Variants in LCN12 observed in about 807,000 individuals in gnomAD.
LCN12 encodes the protein lipocalin 12.
A neutral mutation model predicts 23.7 loss-of-function variants in LCN12; 15 were observed. The ratio of observed to expected loss-of-function variants is 0.63; its 90% confidence interval spans 0.42 to 0.97. The LOEUF (loss-of-function observed/expected upper bound fraction) is 0.97, where lower values mean the gene tolerates loss of function less well. Ranked by LOEUF, LCN12 falls within the 50% of genes least tolerant of loss-of-function variation. The pLI is 0.00. For synonymous variants in LCN12, 116 were observed against 111.5 expected, an observed-to-expected ratio of 1.04 and a Z score of -0.25; for missense variants, 219 against 249.6, an observed-to-expected ratio of 0.88 and a Z score of 0.83.
At chr9:136,955,193 C>T in intron 5 of LCN12, 178 bp from the exon 6 acceptor site, 1 of 1,420,310 alleles carries the variant, frequency 7.0e-7, no homozygotes, top group East Asian at 2.6e-5. Context: ...CATCTTCTGC[C>T]CCTTCTCAGC....
chr9:136,953,488 T>A (rs914263834), intron 2 of LCN12: 3 of 553,446 alleles, frequency 5.4e-6, no homozygotes, highest in African/African-American at 1.9e-5. Context: ...GTAATCCCAG[T>A]ACTTCAGGAG....
At chr9:136,952,701 G>T in intron 1 of LCN12, 191 bp from the exon 2 acceptor site, 1 of 679,622 alleles carries the variant, frequency 1.5e-6, no homozygotes, top group Non-Finnish European at 2.4e-6. Context: ...ACAGCCACTG[G>T]CCAGGGTCAC....
intron 2 of LCN12, chr9:136,953,365 GGGGGCCGGGCGCGGTCGCGC>G: frequency 1.1e-5 from 1 of 90,334 alleles, no homozygotes; most frequent in South Asian, 1.3e-4. Context: ...CTAGCACTTT[GGGGGCCGGGCGCGGTCGCGC>G]ACACCTGTAA....
upstream of LCN12, chr9:136,951,282 A>C (rs909741260): frequency 1.3e-5 from 2 of 151,950 alleles, no homozygotes; most frequent in Admixed American, 6.6e-5. Context: ...TAGAGATGAG[A>C]TCTCAGTCTT....
At chr9:136,956,085 C>A (rs575263365), downstream of LCN12, among the ~76,000 whole-genome samples, 306 of 152,216 alleles carry the variant, frequency 2.0e-3, 1 homozygote, top group African/African-American at 6.9e-3. Flanking sequence ...TGACTGTACA[C>A]CCCTGCAAGA....
In LCN12 at chr9:136,953,746, C is replaced by T. The variant is rs1305710115; in HGVS notation, c.298C>T (p.Gln100Ter). The change falls in exon 3 of 6, where the codon CAG becomes TAG. Residue 100 changes from glutamine to a stop codon, truncating the protein, a stop_gained. Transcript: ENST00000371633. LOFTEE classifies it high-confidence loss of function. ...TWSYVLIPAA[Q>*]PGQFTVDHGV... ...GTCTTATGTGCTGATACCGGCAGCC[C>T]AGCCTGGGCAGTTCACTGTGGACCA... The T allele has an allele frequency of 1.2e-6, 2 of 1,605,990 alleles. No homozygotes were observed. The highest frequency in any genetic ancestry group is 3.4e-5 in the Admixed American group (2 of 59,038).
At chr9:136,952,680 G>A (rs150030996) in intron 1 of LCN12, 8,666 of 644,054 alleles carry the variant, frequency 0.013, 77 homozygotes, top group Non-Finnish European at 0.018. Flanking sequence ...AAACAGGCTC[G>A]GGAAGGCCGC....
intron 5 of LCN12, chr9:136,954,732 C>A: frequency 7.7e-7 from 1 of 1,291,136 alleles, no homozygotes; most frequent in Non-Finnish European, 1.0e-6. Context: ...AGGAGGTGCC[C>A]TGGACCTCAG....
downstream of LCN12, chr9:136,955,530 G>A: frequency 9.9e-7 from 1 of 1,005,532 alleles, no homozygotes; most frequent in South Asian, 1.6e-5. Context: ...ACCTTGGGTT[G>A]GGCAAAGAGA....
chr9:136,951,095 C>CA (rs36051168), upstream of LCN12, among the ~76,000 whole-genome samples: 1 of 151,704 alleles, frequency 6.6e-6, no homozygotes, highest in East Asian at 1.9e-4. Context: ...TTGGTGACCC[C>CA]TAACATGGAG....
upstream of LCN12, among the ~76,000 whole-genome samples, chr9:136,950,234 C>G (rs970801563): frequency 2.0e-5 from 3 of 152,218 alleles, no homozygotes; most frequent in African/African-American, 7.2e-5. Flanking sequence ...AACCCATTGT[C>G]GTGTCCGGGA....
Position 136,952,432 on chromosome 9 carries a change from A to C in LCN12, c.105A>C (p.Gln35His). Residue 35 changes from glutamine to histidine, a missense_variant, in exon 1 of 6, where the codon CAA becomes CAC. Transcript: ENST00000371633. ...LPLPPPMQSF[Q>H]GNQFQGEWFV... ...TCCCGCCCCCGATGCAGAGCTTCCA[A>C]GGAAACCAGGTACAGGGGTTTTGAC... 6.2e-7 allele frequency: 1 copy of C among 1,607,642 alleles called. No individual in the cohort carries two copies. The highest frequency in any genetic ancestry group is 8.5e-7 in the Non-Finnish European group (1 of 1,174,632).
chr9:136,950,082 A>G (rs553910084), upstream of LCN12, among the ~76,000 whole-genome samples: 1 of 151,528 alleles, frequency 6.6e-6, no homozygotes, highest in Admixed American at 6.6e-5. Context: ...GGCCCGTTCC[A>G]GCGCCGCCGG....
At chr9:136,951,067 G>A (rs1014277265), upstream of LCN12, among the ~76,000 whole-genome samples, 2 of 144,716 alleles carry the variant, frequency 1.4e-5, no homozygotes, top group African/African-American at 2.5e-5. Context: ...CGGTGAGTGG[G>A]AGGCACCTGG....
chr9:136,952,216 A>AC (rs1192433846), upstream of LCN12: 3 of 767,788 alleles, frequency 3.9e-6, no homozygotes, highest in Admixed American at 2.0e-5. Context: ...AGAGGGGCAC[A>AC]CCCCCTTGGG....
chr9:136,954,317 G>T, intron 5 of LCN12, 62 bp downstream of exon 5: 1 of 1,527,142 alleles, frequency 6.5e-7, no homozygotes, highest in Non-Finnish European at 8.9e-7. Flanking sequence ...GAATGAGTTT[G>T]GTTGACCCTA....
rs943824029 is a variant in LCN12, at chr9:136,953,033, G to A, written c.251+5G>A. 3.1e-6 allele frequency: 5 copies of A among 1,613,264 alleles called. No homozygotes were observed. The highest frequency in any genetic ancestry group is 4.2e-6 in the Non-Finnish European group (5 of 1,179,830). ...GGTGTGGAATGCGATGACTCGGTGA[G>A]TGGCTGTCCCTGCCGTTCCAAGCGG... On this transcript the variant is annotated splice_donor_5th_base_variant and intron_variant, in intron 2 of 5. Coordinates refer to ENST00000371633, the MANE Select transcript of LCN12 (RefSeq NM_178536.4).
At chr9:136,955,733 C>T (rs552504003), downstream of LCN12, among the ~76,000 whole-genome samples, 2 of 152,390 alleles carry the variant, frequency 1.3e-5, no homozygotes, top group East Asian at 3.9e-4. Context: ...AAGGCCCCTC[C>T]ATCCCTGCCC....
chr9:136,950,280 A>G (rs932995469), upstream of LCN12, among the ~76,000 whole-genome samples: 5 of 152,152 alleles, frequency 3.3e-5, no homozygotes, highest in South Asian at 1.0e-3. Context: ...ACAGAGGTTA[A>G]CGGCAGCAGC....
Sources: allele counts gnomAD v4.1 joint callset (sites outside exome capture counted in the v4.1 genomes callset), GRCh38; gene constraint gnomAD v4.1.1; transcripts MANE v1.5; gene names NCBI Gene and HGNC (gene_info 2026-07-23, HGNC 2026-07-21).